KCNJ14: variants seen among roughly 807,000 people sequenced by gnomAD.
KCNJ14 encodes the protein ATP-sensitive inward rectifier potassium channel 14.
KCNJ14 carries 18 observed loss-of-function variants against 24.5 expected under a neutral mutation model. The ratio of observed to expected loss-of-function variants is 0.74; its 90% CI spans 0.51 to 1.09. The LOEUF is 1.09. Ranked by LOEUF, KCNJ14 falls within the 50% of genes least tolerant of loss-of-function variation. The pLI is 0.00. For synonymous variants in KCNJ14, 288 were observed against 270.8 expected (o/e 1.06, Z -0.63); for missense variants, 633 against 623.0 (o/e 1.02, Z -0.17).
Position 48,465,834 on chromosome 19 carries a change from G to A in KCNJ14, c.*1057G>A, listed in dbSNP as rs940957428. 1.3e-5 allele frequency: 2 copies of A among 152,660 alleles called. No individual in the cohort carries two copies. Among genetic ancestry groups the A allele is most frequent in the Admixed American group, 1.3e-4 (2 of 15,278 alleles). 9.5% of individuals were successfully genotyped at this position (152,660 alleles called of 1,614,324 possible). ...GGAATGAAGGCTCCAGGGATACAGAGTTGTCCATTACCAAAGCCTGGAAGT... is the reference window on the plus strand; with the variant it reads ...GGAATGAAGGCTCCAGGGATACAGAATTGTCCATTACCAAAGCCTGGAAGT... On this transcript the variant is annotated 3_prime_UTR_variant, in exon 3 of 3. Transcript: ENST00000342291.
In KCNJ14 at chr19:48,462,070, G is replaced by A. The variant is rs750166184; in HGVS notation, c.346G>A (p.Gly116Ser). The A allele has an allele frequency of 1.2e-4, 185 of 1,607,578 alleles. 1 individual carries two copies. The highest frequency in any genetic ancestry group is 1.5e-4 in the Non-Finnish European group (179 of 1,178,850). ...CTTCTGGCTCATTGCCTCGCTGCACGGCGACCTGGCCGCCCCGCCACCGCC... is the reference window on the plus strand; with the variant it reads ...CTTCTGGCTCATTGCCTCGCTGCACAGCGACCTGGCCGCCCCGCCACCGCC... ...LAFWLIASLH[G>S]DLAAPPPPAP... Residue 116 changes from glycine (G) to serine (S), a missense_variant, in exon 2 of 3, where the codon GGC becomes AGC. Coordinates refer to ENST00000342291, the MANE Select transcript of KCNJ14 (RefSeq NM_013348.4). The surrounding 1 kb of genome is among the most constrained non-coding windows in gnomAD (Gnocchi z 4.9).
At position 48,462,618 on chromosome 19, in the gene KCNJ14, A is replaced by G. The variant is rs925744018; in HGVS notation, c.714+180A>G. Among the ~76,000 whole-genome samples the G allele has an allele frequency of 6.6e-6, 1 of 152,166 alleles. No individual in the cohort carries two copies. The highest frequency in any genetic ancestry group is 1.5e-5 in the Non-Finnish European group (1 of 68,016). On this transcript the variant is annotated intron_variant, in intron 2 of 2. Transcript: ENST00000342291. The surrounding 1 kb of genome is among the most constrained non-coding windows in gnomAD (Gnocchi z 4.9). ...AGCTGGGGATGTAAACCCAACAGAA[A>G]GGTATGTGACCAGCTCTTCCTGGAG...
chr19:48,458,196 G>C (rs1971557681), intron 1 of KCNJ14, among the ~76,000 whole-genome samples: 2 of 152,096 alleles, frequency 1.3e-5, no homozygotes, highest in South Asian at 4.1e-4. Flanking sequence ...TTTCTCTTGG[G>C]TACATAAGTA....
At chr19:48,464,159 G>A (rs781698615) in intron 2 of KCNJ14, 22 bp from the exon 3 acceptor site, 1 of 1,559,386 alleles carries the variant, frequency 6.4e-7, no homozygotes, top group Non-Finnish European at 8.8e-7. Context: ...TGCTGTCTTT[G>A]GCTCCTCGCC....
Position 48,458,648 on chromosome 19 carries a change from G to A in KCNJ14, c.-56+2790G>A, listed in dbSNP as rs568006647. Among the ~76,000 whole-genome samples, 12 of 152,252 alleles carry A rather than the reference G, an allele frequency of 7.9e-5. No individual in the cohort carries two copies. The East Asian group carries it at 2.3e-3, about 29-fold the overall frequency. ...TGGTCTCAAACTCCTGAGCTCAAGT[G>A]ATCCAGCTTCCTCGGCCTCGCAAAG... On this transcript the variant is annotated intron_variant, in intron 1 of 2. Coordinates refer to ENST00000342291, the MANE Select transcript of KCNJ14 (RefSeq NM_013348.4).
rs561465924 is a variant in KCNJ14, at chr19:48,465,755, A to C, written c.*978A>C. On this transcript the variant is annotated 3_prime_UTR_variant, in exon 3 of 3. Coordinates refer to ENST00000342291, the MANE Select transcript of KCNJ14 (RefSeq NM_013348.4). The stretch of plus-strand genomic sequence containing the variant: ...TTGCTGGTTCCAGTTTGCCCAATGG[A>C]GTTGAGAATCTCAATGATTCTAGAT... The C allele has an allele frequency of 1.3e-5, 2 of 152,742 alleles. No homozygotes were observed. Among genetic ancestry groups the C allele is most frequent in the Admixed American group, 6.5e-5 (1 of 15,302 alleles). 9.5% of individuals were successfully genotyped at this position (152,742 alleles called of 1,614,324 possible). A position where few individuals can be genotyped will look rare whatever the true frequency, so the allele number is the denominator to read the frequency against.
intron 2 of KCNJ14, among the ~76,000 whole-genome samples, chr19:48,463,406 C>T (rs1021901535): frequency 6.6e-6 from 1 of 152,100 alleles, no homozygotes; most frequent in African/African-American, 2.4e-5. Flanking sequence ...CTTTGAGATA[C>T]CAGGATTCAT....
chr19:48,461,595 A>C (rs1601011037), intron 1 of KCNJ14, 75 bp from the exon 2 acceptor site: 1 of 447,716 alleles, frequency 2.2e-6, no homozygotes, highest in Non-Finnish European at 3.8e-6. Context: ...ACTAAGCCCC[A>C]CCAGAAAGCA....
chr19:48,465,084 T>G lies in KCNJ14; in HGVS notation c.*307T>G. On this transcript the variant is annotated 3_prime_UTR_variant, in exon 3 of 3. Transcript: ENST00000342291. ...CTAGATTCCTCTATATGGGGAGACC[T>G]GGATTGTTGACCAGGGTGAGAAGCC... 5.7e-6 allele frequency: 2 copies of G among 349,404 alleles called. No homozygotes were observed. Among genetic ancestry groups the G allele is most frequent in the Non-Finnish European group, 5.3e-6 (1 of 189,956 alleles). 21.6% of individuals were successfully genotyped at this position (349,404 alleles called of 1,614,324 possible).
In KCNJ14 at chr19:48,465,105, A is replaced by G; in HGVS notation, c.*328A>G. ...GACCTGGATTGTTGACCAGGGTGAGAAGCCAATGGTATAGACTGCCTCTGG... is the reference window on the plus strand; with the variant it reads ...GACCTGGATTGTTGACCAGGGTGAGGAGCCAATGGTATAGACTGCCTCTGG... On this transcript the variant is annotated 3_prime_UTR_variant, in exon 3 of 3. Coordinates refer to ENST00000342291, the MANE Select transcript of KCNJ14 (RefSeq NM_013348.4). The G allele has an allele frequency of 3.2e-6, 1 of 309,296 alleles. No individual in the cohort carries two copies. The highest frequency in any genetic ancestry group is 6.0e-6 in the Non-Finnish European group (1 of 165,332). The allele number at this position is 309,296 out of a possible 1,614,324, so 19.2% of individuals were successfully genotyped here. A position where few individuals can be genotyped will look rare whatever the true frequency, so the allele number is the denominator to read the frequency against.
Position 48,463,960 on chromosome 19 carries a change from C to T in KCNJ14, c.715-221C>T, listed in dbSNP as rs574659883. Among the ~76,000 whole-genome samples, 4 of 152,202 alleles carry T rather than the reference C, an allele frequency of 2.6e-5. No homozygotes were observed. The East Asian group carries it at 5.8e-4, about 22-fold the overall frequency. On this transcript the variant is annotated intron_variant, in intron 2 of 2. Coordinates refer to ENST00000342291, the MANE Select transcript of KCNJ14 (RefSeq NM_013348.4). ...TTTCTCTGGACCTCCATCCTCCCCT[C>T]CTGGGTCTCTGGCTCCCTTACTGGG... is the stretch of plus-strand genomic sequence containing the variant.
At chr19:48,463,117 C>G (rs1971618767) in intron 2 of KCNJ14, among the ~76,000 whole-genome samples, 1 of 152,174 alleles carries the variant, frequency 6.6e-6, no homozygotes, top group Non-Finnish European at 1.5e-5. Context: ...CCCTGGGGTA[C>G]TGGCTCCCTC....
At position 48,462,179 on chromosome 19, in the gene KCNJ14, T is replaced by C; in HGVS notation, c.455T>C (p.Val152Ala). Residue 152 changes from valine to alanine, a missense_variant, in exon 2 of 3, where the codon GTG (valine) becomes GCG (alanine). Coordinates refer to ENST00000342291, the MANE Select transcript of KCNJ14 (RefSeq NM_013348.4). This position sits in a 1 kb window ranked among gnomAD's most constrained non-coding sequence, Gnocchi z 4.9. ...LETQTSIGYG[V>A]RSVTEECPAA... ...ACGCAGACGTCCATCGGCTACGGCGTGCGCAGCGTCACCGAGGAGTGCCCG... is the reference window on the plus strand; with the variant it reads ...ACGCAGACGTCCATCGGCTACGGCGCGCGCAGCGTCACCGAGGAGTGCCCG... 1 of 1,565,558 alleles carries C rather than the reference T, an allele frequency of 6.4e-7. No homozygotes were observed. The highest frequency in any genetic ancestry group is 8.7e-7 in the Non-Finnish European group (1 of 1,155,948).
rs1160895211 is a variant in KCNJ14, at chr19:48,464,206, A to G, written c.740A>G (p.Tyr247Cys). 1 of 1,613,820 alleles carries G rather than the reference A, an allele frequency of 6.2e-7. No individual in the cohort carries two copies. Among genetic ancestry groups the G allele is most frequent in the East Asian group, 2.2e-5 (1 of 44,872 alleles). The change falls in exon 3 of 3, where the codon TAC (tyrosine) becomes TGC (cysteine). Residue 247 changes from tyrosine (Y) to cysteine (C), a missense_variant. Tyr to Cys is a radical substitution (Grantham distance 194). Transcript: ENST00000342291. Reference protein sequence around the residue: ...LQPRVTPEGEYIPLDHQDVDV... With the variant: ...LQPRVTPEGECIPLDHQDVDV... Reference sequence around the variant, plus strand: ...CCCCGTGTGACCCCAGAGGGTGAGTACATCCCGCTGGACCACCAGGATGTG... The same window carrying G: ...CCCCGTGTGACCCCAGAGGGTGAGTGCATCCCGCTGGACCACCAGGATGTG...
chr19:48,463,721 C>T (rs192272798), intron 2 of KCNJ14, among the ~76,000 whole-genome samples: 2 of 152,298 alleles, frequency 1.3e-5, no homozygotes, highest in East Asian at 3.9e-4. Context: ...TTTTCTCTCC[C>T]GCTCCTTCTC....
In KCNJ14 at chr19:48,461,808, G is replaced by A. The variant is rs1461680229; in HGVS notation, c.84G>A (p.Gly28=). The change falls in exon 2 of 3, where the codon GGG becomes GGA. Residue 28 remains glycine, a synonymous_variant. Transcript: ENST00000342291. ...DSRAGDEEEA[G]PGLCRNGWAP... ...GGGCGGGCGATGAAGAGGAGGCCGG[G>A]CCCGGGTTGTGCCGCAACGGGTGGG... The A allele has an allele frequency of 1.3e-6, 2 of 1,493,196 alleles. No individual in the cohort carries two copies. The highest frequency in any genetic ancestry group is 1.8e-6 in the Non-Finnish European group (2 of 1,124,254). 92.5% of individuals were successfully genotyped at this position (1,493,196 alleles called of 1,614,324 possible). A position where few individuals can be genotyped will look rare whatever the true frequency, so the allele number is the denominator to read the frequency against.
At chr19:48,460,891 C>T (rs1186406708) in intron 1 of KCNJ14, among the ~76,000 whole-genome samples, 1 of 151,998 alleles carries the variant, frequency 6.6e-6, no homozygotes, top group Admixed American at 6.6e-5. Flanking sequence ...TGGGGTGGCT[C>T]AGGCCTGTAA....
rs1971611054 is a variant in KCNJ14, at chr19:48,462,352, G to A, written c.628G>A (p.Asp210Asn). 2 of 1,542,380 alleles carry A rather than the reference G, an allele frequency of 1.3e-6. No homozygotes were observed. The highest frequency in any genetic ancestry group is 1.8e-6 in the Non-Finnish European group (2 of 1,139,690). The change falls in exon 2 of 3, where the codon GAC (aspartate) becomes AAC (asparagine). Residue 210 changes from aspartate (D) to asparagine (N), a missense_variant. Asp to Asn is a conservative substitution (Grantham distance 23, BLOSUM62 1). Coordinates refer to ENST00000342291, the MANE Select transcript of KCNJ14 (RefSeq NM_013348.4). The surrounding 1 kb of genome is among the most constrained non-coding windows in gnomAD (Gnocchi z 4.9). ...CGAGAACGCCGTCGTGGCGCTGCGC[G>A]ACCACCGCCTCTGCCTCATGTGGCG... is the stretch of plus-strand genomic sequence containing the variant. ...FSENAVVALRDHRLCLMWRVG... is the reference protein window; with the variant it reads ...FSENAVVALRNHRLCLMWRVG...
At chr19:48,457,515 C>T (rs1295955308) in intron 1 of KCNJ14, among the ~76,000 whole-genome samples, 1 of 152,166 alleles carries the variant, frequency 6.6e-6, no homozygotes, top group Non-Finnish European at 1.5e-5. Flanking sequence ...TGGAGGAAAC[C>T]GAGACTCAGA....
Sources: allele counts gnomAD v4.1 joint callset (sites outside exome capture counted in the v4.1 genomes callset), GRCh38; gene constraint gnomAD v4.1.1; non-coding constraint Gnocchi (gnomAD v3.1); transcripts MANE v1.5; gene names NCBI Gene and HGNC (gene_info 2026-07-23, HGNC 2026-07-21).